The following ZNF644 variants were observed in gnomAD, a reference collection of about 807,000 sequenced individuals.
ZNF644 encodes zinc finger motif enhancer binding protein 2.
In ZNF644, 20 loss-of-function variants were observed where a neutral mutation model predicts 108.0. The ratio of observed to expected loss-of-function variants is 0.19; its 90% confidence interval spans 0.13 to 0.27. The LOEUF is 0.27. Among genes scored for constraint, ZNF644 ranks in the 10% least tolerant of loss-of-function variants. The pLI is 1.00. For missense variants in ZNF644, 1,338 were observed against 1,548.9 expected (o/e 0.86, Z 2.29); for synonymous variants, 542 against 539.1 (o/e 1.01, Z -0.08).
chr1:91,000,136 G>C (rs779501155), intron 1 of ZNF644, among the ~76,000 whole-genome samples: 25 of 152,142 alleles, frequency 1.6e-4, no homozygotes, highest in Non-Finnish European at 2.8e-4. Context: ...CAACAAGACA[G>C]AAAGTTAACA....
chr1:91,000,774 A>G (rs934086668), intron 1 of ZNF644, among the ~76,000 whole-genome samples: 3 of 152,184 alleles, frequency 2.0e-5, no homozygotes, highest in Admixed American at 6.5e-5. Flanking sequence ...TCAACACAAT[A>G]GATAGACCAC....
At chr1:90,952,365 T>C (rs1490319917) in intron 2 of ZNF644, among the ~76,000 whole-genome samples, 2 of 152,232 alleles carry the variant, frequency 1.3e-5, no homozygotes, top group Admixed American at 1.3e-4. Context: ...AGATGCCACC[T>C]TAAAAATACC....
At chr1:91,019,133 T>G (rs1052724811) in intron 1 of ZNF644, among the ~76,000 whole-genome samples, 3 of 152,206 alleles carry the variant, frequency 2.0e-5, no homozygotes, top group Non-Finnish European at 2.9e-5. Flanking sequence ...AAGTTAAAAA[T>G]CACTATAGGG....
At chr1:90,920,939 T>C (rs929268766) in intron 4 of ZNF644, among the ~76,000 whole-genome samples, 3 of 152,134 alleles carry the variant, frequency 2.0e-5, no homozygotes, top group Non-Finnish European at 4.4e-5. Context: ...AACATGAACA[T>C]ATTTTACAAT....
At chr1:90,984,268 C>T (rs1229844487) in intron 1 of ZNF644, among the ~76,000 whole-genome samples, 1 of 152,182 alleles carries the variant, frequency 6.6e-6, no homozygotes, top group African/African-American at 2.4e-5. Context: ...AAACTGGAAG[C>T]ACCCCTATAT....
Position 90,921,926 on chromosome 1 carries a change from A to G in ZNF644, c.3689-3772T>C, listed in dbSNP as rs185986209. Among the ~76,000 whole-genome samples the G allele has an allele frequency of 2.6e-5, 4 of 152,272 alleles. No individual in the cohort carries two copies. The East Asian group carries it at 7.7e-4, about 29-fold the overall frequency. On this transcript the variant is annotated intron_variant, in intron 4 of 5. Transcript: ENST00000337393. ...GCACTAAACCAGATTGGTGCAAAGC[A>G]AATAAATAGATAACACAACACATAA...
intron 1 of ZNF644, among the ~76,000 whole-genome samples, chr1:90,997,288 T>A (rs537698564): frequency 6.6e-6 from 1 of 152,076 alleles, no homozygotes; most frequent in Non-Finnish European, 1.5e-5. Context: ...TGAAGGAGCA[T>A]CCCAACACAC....
intron 1 of ZNF644, among the ~76,000 whole-genome samples, chr1:90,998,412 G>A (rs1033162911): frequency 7.2e-5 from 11 of 152,302 alleles, no homozygotes; most frequent in East Asian, 1.9e-4. Flanking sequence ...TGCAGCCTCC[G>A]CTGCTGATAC....
intron 1 of ZNF644, among the ~76,000 whole-genome samples, chr1:91,015,881 G>A (rs1391412335): frequency 1.3e-5 from 2 of 152,054 alleles, no homozygotes; most frequent in Admixed American, 1.3e-4. Flanking sequence ...ACTCTAACAG[G>A]TAACACTTAC....
intron 5 of ZNF644, 119 bp from the exon 6 acceptor site, chr1:90,917,109 A>G: frequency 9.9e-7 from 1 of 1,006,566 alleles, no homozygotes; most frequent in Non-Finnish European, 1.5e-6. Context: ...GCAATTGATA[A>G]AGTTTCTAAA....
intron 2 of ZNF644, among the ~76,000 whole-genome samples, chr1:90,948,544 G>A (rs193044816): frequency 2.0e-5 from 3 of 152,298 alleles, no homozygotes; most frequent in South Asian, 4.1e-4. Flanking sequence ...TTAAGTCCCC[G>A]CACTTGACAC....
Position 90,938,735 on chromosome 1 carries a change from G to A in ZNF644, c.2619C>T (p.Ala873=). The A allele has an allele frequency of 6.2e-7, 1 of 1,613,806 alleles. No homozygotes were observed. The highest frequency in any genetic ancestry group is 8.5e-7 in the Non-Finnish European group (1 of 1,179,858). The change falls in exon 3 of 6, where the codon GCC becomes GCT. Residue 873 remains alanine, a synonymous_variant. Coordinates refer to ENST00000337393, the MANE Select transcript of ZNF644 (RefSeq NM_201269.3). This position sits in a 1 kb window ranked among gnomAD's most constrained non-coding sequence, Gnocchi z 4.2. ...NVELGDYTTQ[A]IEDETYSDIN... ...TATCACTATAGGTTTCATCTTCTAT[G>A]GCCTGTGTAGTGTAGTCTCCTAACT...
At chr1:90,950,214 T>A (rs371597833) in intron 2 of ZNF644, among the ~76,000 whole-genome samples, 1 of 135,706 alleles carries the variant, frequency 7.4e-6, no homozygotes, top group Non-Finnish European at 1.6e-5. Context: ...GGAGGAAAGG[T>A]TGCAGTGAGC....
intron 2 of ZNF644, among the ~76,000 whole-genome samples, chr1:90,965,118 A>C (rs1373329194): frequency 6.6e-6 from 1 of 152,222 alleles, no homozygotes; most frequent in Non-Finnish European, 1.5e-5. Context: ...CTAGGATAAC[A>C]GAAAAAGCTA....
chr1:91,015,192 T>A (rs2100673759), intron 1 of ZNF644, among the ~76,000 whole-genome samples: 1 of 152,316 alleles, frequency 6.6e-6, no homozygotes, highest in East Asian at 1.9e-4. Flanking sequence ...TTGACAAATT[T>A]GCTTATAAGC....
At chr1:91,006,565 T>G (rs1659439845) in intron 1 of ZNF644, among the ~76,000 whole-genome samples, 1 of 152,128 alleles carries the variant, frequency 6.6e-6, no homozygotes, top group Admixed American at 6.5e-5. Context: ...CATACCAAAA[T>G]CTGACAAAGT....
intron 4 of ZNF644, among the ~76,000 whole-genome samples, chr1:90,936,377 T>G (rs1320607684): frequency 2.6e-5 from 4 of 152,194 alleles, no homozygotes; most frequent in African/African-American, 9.7e-5. Context: ...GAAAAAATAT[T>G]GAAAGCTATT....
chr1:90,966,172 T>C (rs2101192120), intron 2 of ZNF644, among the ~76,000 whole-genome samples: 1 of 152,334 alleles, frequency 6.6e-6, no homozygotes. Context: ...GGATCATTTC[T>C]TTCACATTTG....
chr1:90,953,525 T>C (rs1309464539), intron 2 of ZNF644, among the ~76,000 whole-genome samples: 3 of 151,498 alleles, frequency 2.0e-5, no homozygotes, highest in African/African-American at 7.3e-5. Context: ...ACATGTACCC[T>C]GGAACTTAAA....
Sources: allele counts gnomAD v4.1 joint callset (sites outside exome capture counted in the v4.1 genomes callset), GRCh38; gene constraint gnomAD v4.1.1; non-coding constraint Gnocchi (gnomAD v3.1); transcripts MANE v1.5; gene names NCBI Gene and HGNC (gene_info 2026-07-23, HGNC 2026-07-21).